The following CHODL variants were observed in gnomAD, a reference collection of about 807,000 sequenced individuals.
CHODL encodes transmembrane protein MT75.
Under a neutral mutation model 34.5 loss-of-function variants are expected in CHODL, and 29 were observed. The observed-to-expected ratio is 0.84, with a 90% CI of 0.63 to 1.15. CHODL has a LOEUF of 1.15. CHODL is among the 50% of genes most tolerant of loss of function. The pLI is 0.00. For synonymous variants in CHODL, 125 were observed against 116.1 expected, an observed-to-expected ratio of 1.08 and a Z score of -0.49; for missense variants, 332 against 332.5, an observed-to-expected ratio of 1.00 and a Z score of 0.01.
chr21:18,199,630 C>A (rs1006686452), intron 2 of CHODL, among the ~76,000 whole-genome samples: 2 of 152,102 alleles, frequency 1.3e-5, no homozygotes, highest in Non-Finnish European at 2.9e-5. Context: ...CCTCTCCTAT[C>A]CTAAATCTCT....
intron 1 of CHODL, among the ~76,000 whole-genome samples, chr21:18,026,794 T>A (rs1469443658): frequency 1.3e-5 from 2 of 152,210 alleles, no homozygotes; most frequent in Non-Finnish European, 2.9e-5. Flanking sequence ...CACTGTAATG[T>A]GGAGGGCGCA....
chr21:18,150,574 A>G (rs13048405), intron 2 of CHODL, among the ~76,000 whole-genome samples: 15,139 of 152,064 alleles, frequency 0.1, 953 homozygotes, highest in African/African-American at 0.18. Flanking sequence ...ATGCGGGAAA[A>G]AGGGGGCCAG....
At chr21:18,260,947 G>C (rs1205100349) in intron 4 of CHODL, among the ~76,000 whole-genome samples, 8 of 152,162 alleles carry the variant, frequency 5.3e-5, no homozygotes, top group Admixed American at 1.3e-4. Flanking sequence ...ATTCAGTGGA[G>C]AGCAAACAGG....
At chr21:17,951,762 AT>A (rs1010560094) in intron 1 of CHODL, among the ~76,000 whole-genome samples, 2 of 152,226 alleles carry the variant, frequency 1.3e-5, no homozygotes, top group African/African-American at 2.4e-5. Context: ...TAAATAACAC[AT>A]CAAAATAAAC....
At chr21:17,994,950 A>G (rs1484612085) in intron 1 of CHODL, among the ~76,000 whole-genome samples, 1 of 152,024 alleles carries the variant, frequency 6.6e-6, no homozygotes, top group Non-Finnish European at 1.5e-5. Context: ...TGGGGAGCAA[A>G]TACTTTGGCT....
At chr21:18,114,230 C>G (rs2065385407) in intron 2 of CHODL, among the ~76,000 whole-genome samples, 1 of 152,030 alleles carries the variant, frequency 6.6e-6, no homozygotes, top group Non-Finnish European at 1.5e-5. Flanking sequence ...TTTGATAGCA[C>G]AGTAGGGTGA....
At chr21:17,949,889 A>G (rs138035657) in intron 1 of CHODL, among the ~76,000 whole-genome samples, 96 of 152,332 alleles carry the variant, frequency 6.3e-4, no homozygotes, top group African/African-American at 2.2e-3. Flanking sequence ...ATATTTCCAG[A>G]TAACAACCAA....
chr21:18,150,520 G>T (rs1197328206), intron 2 of CHODL, among the ~76,000 whole-genome samples: 1 of 152,178 alleles, frequency 6.6e-6, no homozygotes, highest in Non-Finnish European at 1.5e-5. Context: ...TCTGCTGATG[G>T]GCCTTTTCCG....
chr21:18,054,243 T>G (rs2064552109), intron 2 of CHODL, among the ~76,000 whole-genome samples: 1 of 151,936 alleles, frequency 6.6e-6, no homozygotes, highest in Non-Finnish European at 1.5e-5. Flanking sequence ...GCAGAAAACT[T>G]AACTAACTGA....
intron 2 of CHODL, among the ~76,000 whole-genome samples, chr21:18,105,956 A>G (rs1223073074): frequency 1.3e-5 from 2 of 152,148 alleles, no homozygotes; most frequent in Non-Finnish European, 2.9e-5. Flanking sequence ...TCAGATGCCA[A>G]TGGAGACAAC....
intron 1 of CHODL, among the ~76,000 whole-genome samples, chr21:18,005,054 A>G (rs1568840509): frequency 2.0e-5 from 3 of 152,208 alleles, no homozygotes; most frequent in Admixed American, 2.0e-4. Context: ...TTTTACAGAT[A>G]GAGAATATGG....
upstream of CHODL, among the ~76,000 whole-genome samples, chr21:18,242,113 A>G (rs2074088415): frequency 1.3e-5 from 2 of 152,076 alleles, no homozygotes; most frequent in Admixed American, 1.3e-4. Context: ...GACATACACA[A>G]TTCCTCACAT....
chr21:18,160,084 C>T (rs541007629), intron 2 of CHODL, among the ~76,000 whole-genome samples: 1 of 152,268 alleles, frequency 6.6e-6, no homozygotes, highest in African/African-American at 2.4e-5. Flanking sequence ...ACAGTAAACT[C>T]ATACAAGTAT....
chr21:18,245,391 C>T, intron 1 of CHODL, 89 bp downstream of exon 1: 1 of 1,175,738 alleles, frequency 8.5e-7, no homozygotes, highest in Non-Finnish European at 1.2e-6. Flanking sequence ...GGAGGCTCTC[C>T]GGGGCGTTGG....
chr21:18,034,912 C>G (rs2657209), intron 2 of CHODL, among the ~76,000 whole-genome samples: 20,730 of 151,892 alleles, frequency 0.14, 1,512 homozygotes, highest in Middle Eastern at 0.24. Flanking sequence ...TTCAGAGAGA[C>G]CTGGTTGCTG....
At chr21:18,158,031 T>G (rs1004416864) in intron 2 of CHODL, among the ~76,000 whole-genome samples, 3 of 148,370 alleles carry the variant, frequency 2.0e-5, no homozygotes, top group Non-Finnish European at 4.5e-5. Flanking sequence ...TTTTATAGCG[T>G]GCTTTGAGGA....
At chr21:18,018,509 C>T (rs2064096727) in intron 1 of CHODL, among the ~76,000 whole-genome samples, 1 of 152,146 alleles carries the variant, frequency 6.6e-6, no homozygotes, top group Non-Finnish European at 1.5e-5. Context: ...TCTCTTGCTC[C>T]TGCTTTTGCC....
chr21:17,970,890 C>G (rs2063608846), intron 1 of CHODL, among the ~76,000 whole-genome samples: 1 of 152,084 alleles, frequency 6.6e-6, no homozygotes, highest in Non-Finnish European at 1.5e-5. Context: ...CCCTAGCCCC[C>G]ACCCCCCAAC....
intron 2 of CHODL, among the ~76,000 whole-genome samples, chr21:18,198,727 A>G (rs1418628563): frequency 6.6e-6 from 1 of 152,090 alleles, no homozygotes; most frequent in Non-Finnish European, 1.5e-5. Context: ...AATATGTCAT[A>G]TTTTTACTAC....
Sources: allele counts gnomAD v4.1 joint callset (sites outside exome capture counted in the v4.1 genomes callset), GRCh38; gene constraint gnomAD v4.1.1; transcripts MANE v1.5; gene names NCBI Gene and HGNC (gene_info 2026-07-23, HGNC 2026-07-21).